The following SHPRH variants were observed in gnomAD, a reference collection of about 807,000 sequenced individuals.
The protein encoded by SHPRH is SNF2 histone linker PHD RING helicase.
Under a neutral mutation model 202.5 loss-of-function variants are expected in SHPRH, and 106 were observed. The ratio of observed to expected loss-of-function variants is 0.52; its 90% CI spans 0.45 to 0.62. SHPRH has a LOEUF of 0.62. SHPRH is among the 20% of genes least tolerant of loss of function. SHPRH has a pLI of 0.00. For missense variants in SHPRH, 1,710 were observed against 2,020.0 expected (o/e 0.85, Z 2.94); for synonymous variants, 729 against 686.0 (o/e 1.06, Z -0.98).
intron 25 of SHPRH, 135 bp from the exon 26 acceptor site, chr6:145,895,112 T>TA: frequency 2.8e-6 from 2 of 702,282 alleles, no homozygotes. Context: ...CATATGTGTT[T>TA]ACTCTTTTTC....
chr6:145,907,564 G>A (rs1783078739), intron 25 of SHPRH: 1 of 152,026 alleles, frequency 6.6e-6, no homozygotes, highest in South Asian at 2.1e-4. Flanking sequence ...AGGTCTCCAG[G>A]CTTATTCAAC....
chr6:145,863,314 A>G (rs1359766419), downstream of SHPRH, among the ~76,000 whole-genome samples: 1 of 152,238 alleles, frequency 6.6e-6, no homozygotes, highest in Non-Finnish European at 1.5e-5. Flanking sequence ...AGGACAAAAA[A>G]TCTTTAGAAT....
intron 4 of SHPRH, 119 bp from the exon 5 acceptor site, chr6:145,948,469 G>A: frequency 1.6e-6 from 1 of 633,780 alleles, no homozygotes. Flanking sequence ...CCATATTCTT[G>A]TGAAATCTCA....
chr6:145,907,914 C>A (rs2128732269), intron 25 of SHPRH: 1 of 152,292 alleles, frequency 6.6e-6, no homozygotes, highest in Non-Finnish European at 1.5e-5. Flanking sequence ...AGTTCCCTCT[C>A]CTTACTCCCC....
At chr6:145,912,381 T>C (rs1783574402) in intron 24 of SHPRH, among the ~76,000 whole-genome samples, 1 of 152,154 alleles carries the variant, frequency 6.6e-6, no homozygotes, top group South Asian at 2.1e-4. Flanking sequence ...TAGGTTATGC[T>C]AGAATTAAAT....
At chr6:145,874,872 T>C (rs1780231753) in intron 2 of SHPRH, among the ~76,000 whole-genome samples, 1 of 152,210 alleles carries the variant, frequency 6.6e-6, no homozygotes, top group South Asian at 2.1e-4. Context: ...GGTTTTTGCA[T>C]AATATTCTGA....
At chr6:145,926,013 G>A (rs1784844905) in intron 16 of SHPRH, among the ~76,000 whole-genome samples, 191 bp downstream of exon 16, 1 of 151,928 alleles carries the variant, frequency 6.6e-6, no homozygotes, top group Non-Finnish European at 1.5e-5. Flanking sequence ...TAGATCAGCA[G>A]AGAAGCCAAA....
In SHPRH at chr6:145,955,203, G is replaced by C; in HGVS notation, c.120C>G (p.Asp40Glu). ...RNEPIIISDD[D>E]EQPCPGSDTS... is the part of the protein sequence containing the mutation. ...TATCTGAACCTGGGCAGGGCTGCTCGTCATCATCACTTATGATGATAGGTT... is the reference window on the plus strand; with the variant it reads ...TATCTGAACCTGGGCAGGGCTGCTCCTCATCATCACTTATGATGATAGGTT... The change falls in exon 2 of 30, where the codon GAC (aspartate) becomes GAG (glutamate). Residue 40 changes from aspartate (D) to glutamate (E), a missense_variant. By Grantham distance (45) the Asp-to-Glu change is conservative. Coordinates refer to ENST00000275233, the MANE Select transcript of SHPRH (RefSeq NM_001042683.3). The C allele has an allele frequency of 6.2e-7, 1 of 1,613,594 alleles. No homozygotes were observed. The highest frequency in any genetic ancestry group is 1.1e-5 in the South Asian group (1 of 91,066).
chr6:145,952,524 CCATT>C, intron 2 of SHPRH, 46 bp from the exon 3 acceptor site: 1 of 1,559,976 alleles, frequency 6.4e-7, no homozygotes, highest in Non-Finnish European at 8.7e-7. Context: ...TTGAAATATA[CCATT>C]CTTTATGAGG....
intron 16 of SHPRH, among the ~76,000 whole-genome samples, 175 bp downstream of exon 16, chr6:145,926,029 C>A (rs1014207129): frequency 6.6e-6 from 1 of 151,904 alleles, no homozygotes; most frequent in South Asian, 2.1e-4. Flanking sequence ...CCAAATAATA[C>A]GTACTGCTGC....
intron 25 of SHPRH, among the ~76,000 whole-genome samples, chr6:145,896,043 C>T (rs1220415320): frequency 6.6e-6 from 1 of 151,892 alleles, no homozygotes; most frequent in Non-Finnish European, 1.5e-5. Flanking sequence ...AAACCCTCTC[C>T]CTCAATCCTC....
chr6:145,945,740 A>C (rs1180604078), intron 7 of SHPRH, 103 bp from the exon 8 acceptor site: 8 of 1,262,864 alleles, frequency 6.3e-6, no homozygotes, highest in Non-Finnish European at 8.3e-6. Flanking sequence ...TAAGAAAGAA[A>C]TAAATCAAAG....
At chr6:145,954,137 GA>G (rs67162729) in intron 2 of SHPRH, among the ~76,000 whole-genome samples, 11,856 of 151,738 alleles carry the variant, frequency 0.078, 616 homozygotes, top group South Asian at 0.12. Flanking sequence ...AAGGGGAAGG[GA>G]ACAACTCAAG....
intron 25 of SHPRH, chr6:145,909,450 T>A (rs1365462084): frequency 1.3e-5 from 2 of 152,164 alleles, no homozygotes; most frequent in Non-Finnish European, 2.9e-5. Flanking sequence ...ATATAACTGA[T>A]ATTTTCAGGT....
chr6:145,911,560 G>C (rs1490376630), intron 24 of SHPRH, among the ~76,000 whole-genome samples: 1 of 152,192 alleles, frequency 6.6e-6, no homozygotes, highest in African/African-American at 2.4e-5. Flanking sequence ...TAGTCTAGGT[G>C]TAAGTTCTAA....
intron 1 of SHPRH, among the ~76,000 whole-genome samples, chr6:145,960,705 A>G (rs1788998690): frequency 6.6e-6 from 1 of 152,206 alleles, no homozygotes; most frequent in Non-Finnish European, 1.5e-5. Context: ...GATTGTGGTT[A>G]GAAATAATTT....
At chr6:145,927,867 G>A (rs1358051006) in intron 14 of SHPRH, among the ~76,000 whole-genome samples, 1 of 151,878 alleles carries the variant, frequency 6.6e-6, no homozygotes, top group African/African-American at 2.4e-5. Context: ...ATCATGGTCT[G>A]AGATGTATGC....
intron 3 of SHPRH, chr6:145,951,863 C>T (rs1477912893): frequency 1.3e-5 from 6 of 455,934 alleles, no homozygotes; most frequent in Non-Finnish European, 2.6e-5. Context: ...CATCCACACT[C>T]TCCCAAGGTG....
intron 8 of SHPRH, among the ~76,000 whole-genome samples, chr6:145,944,383 A>ATAC (rs1225392984): frequency 1.3e-5 from 2 of 152,154 alleles, no homozygotes; most frequent in Non-Finnish European, 2.9e-5. Context: ...GAAAAGTGAG[A>ATAC]ACAGTAAAAA....
Sources: allele counts gnomAD v4.1 joint callset (sites outside exome capture counted in the v4.1 genomes callset), GRCh38; gene constraint gnomAD v4.1.1; transcripts MANE v1.5; gene names NCBI Gene and HGNC (gene_info 2026-07-23, HGNC 2026-07-21).